The following CNTNAP4 variants were observed in gnomAD, a reference collection of about 807,000 sequenced individuals.
CNTNAP4 encodes contactin-associated protein-like 4.
In CNTNAP4, 98 loss-of-function variants were observed where a neutral mutation model predicts 148.4. That is an observed-to-expected ratio of 0.66 (90% CI 0.56 to 0.78). The LOEUF (loss-of-function observed/expected upper bound fraction) is 0.78. Among genes scored for constraint, CNTNAP4 ranks in the 30% least tolerant of loss-of-function variants. The pLI is 0.00. For synonymous variants in CNTNAP4, 730 were observed against 565.1 expected (o/e 1.29, Z -4.14); for missense variants, 1,935 against 1,565.6 (o/e 1.24, Z -3.98).
At chr16:76,297,453 G>C (rs1038229668) in intron 1 of CNTNAP4, among the ~76,000 whole-genome samples, 3 of 152,010 alleles carry the variant, frequency 2.0e-5, no homozygotes, top group Non-Finnish European at 4.4e-5. Context: ...AGAATTAAAG[G>C]GAGCTGTTTT....
intron 13 of CNTNAP4, among the ~76,000 whole-genome samples, chr16:76,493,752 C>G (rs182610495): frequency 6.6e-6 from 1 of 152,112 alleles, no homozygotes; most frequent in African/African-American, 2.4e-5. Flanking sequence ...CATATTAATG[C>G]ATTTATGCAT....
At chr16:76,408,000 G>T (rs550999989) in intron 3 of CNTNAP4, among the ~76,000 whole-genome samples, 1 of 152,122 alleles carries the variant, frequency 6.6e-6, no homozygotes, top group Admixed American at 6.6e-5. Context: ...CAATATCGAG[G>T]CAAGAACCTC....
chr16:76,460,773 A>ATAAAT (rs1555564517), intron 8 of CNTNAP4, among the ~76,000 whole-genome samples: 3 of 57,324 alleles, frequency 5.2e-5, no homozygotes, highest in African/African-American at 1.9e-4. Context: ...AAAAAAAAAA[A>ATAAAT]ATATATATAT....
At chr16:76,354,620 T>C (rs562092855) in intron 2 of CNTNAP4, among the ~76,000 whole-genome samples, 2 of 152,334 alleles carry the variant, frequency 1.3e-5, no homozygotes, top group East Asian at 1.9e-4. Flanking sequence ...ATTGCAAAGA[T>C]GGTTATGTTT....
At chr16:76,549,345 G>C (rs1310694803) in intron 21 of CNTNAP4, among the ~76,000 whole-genome samples, 1 of 152,228 alleles carries the variant, frequency 6.6e-6, no homozygotes, top group East Asian at 1.9e-4. Flanking sequence ...AGTGAGGAGA[G>C]GTTTCTTCTT....
chr16:76,295,418 A>G (rs1366424332), intron 1 of CNTNAP4, among the ~76,000 whole-genome samples: 2 of 152,218 alleles, frequency 1.3e-5, no homozygotes, highest in Non-Finnish European at 2.9e-5. Context: ...ATGCATGCAC[A>G]TGTGTGTGAC....
Position 76,327,238 on chromosome 16 carries a change from T to G in CNTNAP4, c.196+10715T>G, listed in dbSNP as rs145165111. ...CTGTCTTGTATTCCTCAGTGTCTTTTGTTCCCAACTTTAGGTCCATACGCT... is the reference window on the plus strand; with the variant it reads ...CTGTCTTGTATTCCTCAGTGTCTTTGGTTCCCAACTTTAGGTCCATACGCT... On this transcript the variant is annotated intron_variant, in intron 2 of 23. Transcript: ENST00000611870. Among the ~76,000 whole-genome samples the G allele has an allele frequency of 8.2e-3, 1,246 of 152,332 alleles. 11 individuals are homozygous for G. Among genetic ancestry groups the G allele is most frequent in the African/African-American group, 0.028 (1,147 of 41,570 alleles).
At chr16:76,450,633 T>C (rs1430656072) in intron 7 of CNTNAP4, among the ~76,000 whole-genome samples, 1 of 152,194 alleles carries the variant, frequency 6.6e-6, no homozygotes, top group Non-Finnish European at 1.5e-5. Flanking sequence ...ACATCACATG[T>C]AGGAAATCTG....
intron 2 of CNTNAP4, among the ~76,000 whole-genome samples, chr16:76,320,693 T>C (rs563503859): frequency 6.6e-6 from 1 of 152,310 alleles, no homozygotes; most frequent in South Asian, 2.1e-4. Flanking sequence ...AAACAGGTTC[T>C]AGTGTCCCAT....
intron 15 of CNTNAP4, among the ~76,000 whole-genome samples, chr16:76,499,319 C>T (rs933754462): frequency 6.6e-6 from 1 of 151,898 alleles, no homozygotes; most frequent in African/African-American, 2.4e-5. Context: ...GATTAAAGTC[C>T]ATTCATACCT....
chr16:76,338,913 T>C (rs1964240371), intron 2 of CNTNAP4, among the ~76,000 whole-genome samples: 2 of 152,332 alleles, frequency 1.3e-5, no homozygotes, highest in Non-Finnish European at 2.9e-5. Context: ...GTGATCTCTG[T>C]TTATAGCCAG....
At chr16:76,496,622 C>T (rs2082410947) in intron 14 of CNTNAP4, among the ~76,000 whole-genome samples, 1 of 152,102 alleles carries the variant, frequency 6.6e-6, no homozygotes, top group Non-Finnish European at 1.5e-5. Context: ...TTCACACAGG[C>T]TCCACCTAAT....
rs536220426 is a variant in CNTNAP4 at position 76,495,355 on chromosome 16, A to T, written c.2237+289A>T. On this transcript the variant is annotated intron_variant, in intron 14 of 23. Transcript: ENST00000611870. The stretch of plus-strand genomic sequence containing the variant: ...ATTATTATTCCTTTTAAAACTATAT[A>T]TAAGTAGATATTCTATTATCTTAAA... Among the ~76,000 whole-genome samples, 298 of 152,204 alleles carry T rather than the reference A, an allele frequency of 2.0e-3. 2 individuals carry two copies. Among genetic ancestry groups the T allele is most frequent in the African/African-American group, 6.4e-3 (265 of 41,572 alleles).
rs1462368941 is a variant in CNTNAP4 at position 76,521,140 on chromosome 16, G to T, written c.2366G>T (p.Arg789Ile). 1 of 1,560,652 alleles carries T rather than the reference G, an allele frequency of 6.4e-7. No individual in the cohort carries two copies. The highest frequency in any genetic ancestry group is 8.6e-7 in the Non-Finnish European group (1 of 1,162,248). The change falls in exon 16 of 24, where the codon AGA becomes ATA. Residue 789 changes from arginine (R) to isoleucine (I), a missense_variant and splice_region_variant. By Grantham distance (97) the Arg-to-Ile change is moderately conservative (BLOSUM62 -3). Coordinates refer to ENST00000611870, the MANE Select transcript of CNTNAP4 (RefSeq NM_033401.5). ...KLGPLLCQGD[R>I]SFWNSASFDT... ...TTTCTTTTTTTTTTTCACAAAACAG[G>T]ATCATTTTGGAATTCAGCTTCCTTT...
At chr16:76,420,928 C>G (rs535969810) in intron 3 of CNTNAP4, among the ~76,000 whole-genome samples, 1 of 152,062 alleles carries the variant, frequency 6.6e-6, no homozygotes, top group East Asian at 1.9e-4. Context: ...TTGTCCATCT[C>G]AATAAAAATT....
chr16:76,400,424 C>T (rs923184032), intron 3 of CNTNAP4, among the ~76,000 whole-genome samples: 2 of 151,930 alleles, frequency 1.3e-5, no homozygotes, highest in Non-Finnish European at 2.9e-5. Context: ...ATTTAAATTC[C>T]TTACAGATGC....
intron 2 of CNTNAP4, among the ~76,000 whole-genome samples, chr16:76,347,190 C>G (rs1964978694): frequency 6.6e-6 from 1 of 151,004 alleles, no homozygotes; most frequent in African/African-American, 2.4e-5. Context: ...GCTTAAACTT[C>G]TGTTTGAAAA....
At chr16:76,451,144 A>C (rs1178061556) in intron 7 of CNTNAP4, among the ~76,000 whole-genome samples, 1 of 152,192 alleles carries the variant, frequency 6.6e-6, no homozygotes, top group East Asian at 1.9e-4. Context: ...CAGGAGAGCA[A>C]GGACAGACTG....
chr16:76,426,238 A>G (rs1445679213), intron 3 of CNTNAP4, among the ~76,000 whole-genome samples: 1 of 152,178 alleles, frequency 6.6e-6, no homozygotes, highest in African/African-American at 2.4e-5. Flanking sequence ...GTTTTGGTAA[A>G]TGATAGTAAG....
Sources: allele counts gnomAD v4.1 joint callset (sites outside exome capture counted in the v4.1 genomes callset), GRCh38; gene constraint gnomAD v4.1.1; transcripts MANE v1.5; gene names NCBI Gene and HGNC (gene_info 2026-07-23, HGNC 2026-07-21).